CTNNA3: variants seen among roughly 807,000 people sequenced by gnomAD.
The protein encoded by CTNNA3 is catenin alpha 3, also known as catenin alpha-3.
In CTNNA3, 76 loss-of-function variants were observed where a neutral mutation model predicts 95.7. The observed-to-expected ratio is 0.79, with a 90% CI of 0.66 to 0.96. CTNNA3 has a LOEUF of 0.96. CTNNA3 is among the 40% of genes least tolerant of loss of function. The probability of loss-of-function intolerance (pLI) is 0.00; values close to 1 mark genes in which losing one functional copy is unlikely to be tolerated. For missense variants in CTNNA3, 1,191 were observed against 1,089.8 expected, an observed-to-expected ratio of 1.09 and a Z score of -1.31; for synonymous variants, 431 against 374.4, an observed-to-expected ratio of 1.15 and a Z score of -1.74.
At chr10:66,755,890 T>C (rs970930978) in intron 9 of CTNNA3, among the ~76,000 whole-genome samples, 18 of 152,258 alleles carry the variant, frequency 1.2e-4, no homozygotes, top group African/African-American at 4.3e-4. Context: ...TGCATATAAG[T>C]TCCCATAAGA....
intron 11 of CTNNA3, among the ~76,000 whole-genome samples, chr10:66,403,580 T>C (rs1336143635): frequency 6.6e-6 from 1 of 152,108 alleles, no homozygotes; most frequent in African/African-American, 2.4e-5. Flanking sequence ...CCTTCCACCA[T>C]GTCCCTCCCT....
intron 11 of CTNNA3, among the ~76,000 whole-genome samples, chr10:66,422,040 T>C (rs932904168): frequency 6.6e-6 from 1 of 151,698 alleles, no homozygotes; most frequent in African/African-American, 2.4e-5. Context: ...TTCCTACAAA[T>C]TGCCATTTCT....
intron 9 of CTNNA3, among the ~76,000 whole-genome samples, chr10:66,678,025 C>T (rs1846926577): frequency 6.6e-6 from 1 of 152,146 alleles, no homozygotes; most frequent in East Asian, 1.9e-4. Context: ...CATACAATCT[C>T]ACTTGCCATT....
chr10:67,616,520 TG>T (rs141526396), intron 2 of CTNNA3, among the ~76,000 whole-genome samples: 5,378 of 152,272 alleles, frequency 0.035, 94 homozygotes, highest in Middle Eastern at 0.078. Flanking sequence ...GACAAAATTT[TG>T]GTATATTCTA....
chr10:66,082,070 A>T (rs571637706), intron 14 of CTNNA3, among the ~76,000 whole-genome samples: 3 of 152,196 alleles, frequency 2.0e-5, no homozygotes, highest in East Asian at 1.9e-4. Flanking sequence ...GTGAGCCAAG[A>T]TCTCGCTATT....
chr10:67,690,444 C>T (rs942145193), intron 1 of CTNNA3, among the ~76,000 whole-genome samples: 1 of 152,144 alleles, frequency 6.6e-6, no homozygotes, highest in African/African-American at 2.4e-5. Context: ...TTGGCCCCCA[C>T]CATGTCCTGC....
chr10:66,433,756 T>G (rs2093316191), intron 11 of CTNNA3, among the ~76,000 whole-genome samples: 2 of 152,208 alleles, frequency 1.3e-5, no homozygotes, highest in Non-Finnish European at 2.9e-5. Context: ...GGTTTTCTTC[T>G]AGGGCTTTTA....
chr10:67,363,064 A>G (rs1247710146), intron 5 of CTNNA3, among the ~76,000 whole-genome samples: 1 of 151,728 alleles, frequency 6.6e-6, no homozygotes, highest in African/African-American at 2.4e-5. Flanking sequence ...CCAAGGAGGT[A>G]AAAGATCTCT....
At chr10:66,900,923 C>G (rs184389927) in intron 7 of CTNNA3, among the ~76,000 whole-genome samples, 5 of 152,090 alleles carry the variant, frequency 3.3e-5, no homozygotes, top group Admixed American at 6.5e-5. Context: ...GAAAGTGACA[C>G]GGAGAATGGA....
chr10:66,332,569 C>G lies in CTNNA3; in HGVS notation c.1732+46583G>C, dbSNP rs375819234. 4.5e-4 allele frequency among the ~76,000 whole-genome samples: 68 copies of G among 152,122 alleles called. 1 individual carries two copies. In the South Asian group the frequency reaches 0.014, roughly 31 times the overall value. ...TGTTGAACCAGCCTTTCATCCCCGG[C>G]ATGAAGCCCACTTGATCATGGTGGA... On this transcript the variant is annotated intron_variant, in intron 12 of 17. Transcript: ENST00000433211.
chr10:66,139,042 T>C (rs1195307352), intron 13 of CTNNA3, among the ~76,000 whole-genome samples: 1 of 152,178 alleles, frequency 6.6e-6, no homozygotes, highest in Admixed American at 6.5e-5. Context: ...GTCATGTTGT[T>C]TGCCTCTGCC....
chr10:66,119,454 A>G (rs2082479190), intron 13 of CTNNA3, among the ~76,000 whole-genome samples: 1 of 152,184 alleles, frequency 6.6e-6, no homozygotes, highest in Admixed American at 6.5e-5. Flanking sequence ...TTAGTGCTAA[A>G]GTGAACAGCA....
chr10:66,504,687 C>T (rs1338277424), intron 11 of CTNNA3, among the ~76,000 whole-genome samples: 1 of 152,080 alleles, frequency 6.6e-6, no homozygotes, highest in Non-Finnish European at 1.5e-5. Context: ...TTTCCTCATC[C>T]AATTTATACT....
At chr10:66,001,546 AC>A (rs2078769652) in intron 15 of CTNNA3, among the ~76,000 whole-genome samples, 1 of 152,132 alleles carries the variant, frequency 6.6e-6, no homozygotes, top group African/African-American at 2.4e-5. Context: ...TCACTAGTTG[AC>A]TTTGCTGATC....
intron 9 of CTNNA3, among the ~76,000 whole-genome samples, chr10:66,756,536 C>T (rs1042140702): frequency 6.6e-6 from 1 of 152,096 alleles, no homozygotes; most frequent in African/African-American, 2.4e-5. Flanking sequence ...TGGGTATACA[C>T]AGCTACAGAT....
intron 15 of CTNNA3, among the ~76,000 whole-genome samples, chr10:66,020,698 C>T (rs1183930089): frequency 7.3e-6 from 1 of 137,768 alleles, no homozygotes; most frequent in African/African-American, 2.8e-5. Flanking sequence ...GATGGAGTCT[C>T]ACTCTGTCGT....
chr10:66,309,551 A>G (rs1014630765), intron 12 of CTNNA3, among the ~76,000 whole-genome samples: 4 of 151,794 alleles, frequency 2.6e-5, no homozygotes, highest in Non-Finnish European at 5.9e-5. Flanking sequence ...ATAGCCGGGC[A>G]TGGTGGCGGG....
intron 7 of CTNNA3, among the ~76,000 whole-genome samples, chr10:67,153,480 C>CT (rs1861173995): frequency 6.6e-6 from 1 of 152,114 alleles, no homozygotes; most frequent in African/African-American, 2.4e-5. Context: ...TATATTATTC[C>CT]TTTTTTCAGA....
At chr10:67,200,997 C>T (rs556101056) in intron 6 of CTNNA3, among the ~76,000 whole-genome samples, 27 of 152,284 alleles carry the variant, frequency 1.8e-4, no homozygotes, top group African/African-American at 6.3e-4. Flanking sequence ...CTCTCTGTCT[C>T]TGGGTCACTC....
Sources: gnomAD v4.1 joint callset for allele counts (sites outside exome capture counted in the v4.1 genomes callset) on GRCh38, gnomAD v4.1.1 for gene constraint, MANE v1.5 for transcripts, NCBI Gene and HGNC (gene_info 2026-07-23, HGNC 2026-07-21) for gene names.